CALD1: variants seen among roughly 807,000 people sequenced by gnomAD.
CALD1 encodes the protein caldesmon 1, also known as caldesmon.
Under a neutral mutation model 99.9 loss-of-function variants are expected in CALD1, and 33 were observed. The observed-to-expected ratio is 0.33, with a 90% confidence interval of 0.25 to 0.44. The LOEUF is 0.44. Ranked by LOEUF, CALD1 falls within the 20% of genes least tolerant of loss-of-function variation. The pLI is 1.00. For synonymous variants in CALD1, 310 were observed against 325.0 expected (o/e 0.95, Z 0.50); for missense variants, 861 against 962.1 (o/e 0.89, Z 1.39).
At chr7:134,962,687 A>G (rs1808369750) in intron 13 of CALD1, 3 of 374,782 alleles carry the variant, frequency 8.0e-6, no homozygotes, top group South Asian at 2.1e-5. Flanking sequence ...TGTAACTGCA[A>G]TTCAATTCTG....
chr7:134,836,726 G>A (rs554771706), intron 1 of CALD1, among the ~76,000 whole-genome samples: 16 of 152,132 alleles, frequency 1.1e-4, no homozygotes, highest in Non-Finnish European at 2.4e-4. Context: ...TCATAAGACC[G>A]CAAACGACTT....
At chr7:134,887,589 C>G (rs1207694382) in intron 3 of CALD1, among the ~76,000 whole-genome samples, 1 of 151,742 alleles carries the variant, frequency 6.6e-6, no homozygotes, top group African/African-American at 2.4e-5. Flanking sequence ...TATGTGTGTG[C>G]ATGTGTGCGT....
chr7:134,720,184 CTTTTTT>C, the CALD1 span, among the ~76,000 whole-genome samples: 2 of 139,924 alleles, frequency 1.4e-5, no homozygotes, highest in African/African-American at 2.5e-5. Context: ...TAGCCCTCCT[CTTTTTT>C]TTTTTTTTTT....
At chr7:134,711,690 GTGTGTGTGT>G in the CALD1 span, among the ~76,000 whole-genome samples, 1 of 80,200 alleles carries the variant, frequency 1.2e-5, no homozygotes, top group South Asian at 5.5e-4. Flanking sequence ...ATGTGTGTGT[GTGTGTGTGT>G]GTGTGTGTGT....
chr7:134,728,263 G>A, the CALD1 span, among the ~76,000 whole-genome samples: 1 of 152,130 alleles, frequency 6.6e-6, no homozygotes, highest in African/African-American at 2.4e-5. Flanking sequence ...ATTGAACAAT[G>A]AACGATTCAC....
At chr7:134,798,250 A>G (rs912580244) in intron 1 of CALD1, among the ~76,000 whole-genome samples, 4 of 152,160 alleles carry the variant, frequency 2.6e-5, no homozygotes. Context: ...TGGACTGACA[A>G]TCTCTTGAGG....
intron 1 of CALD1, among the ~76,000 whole-genome samples, chr7:134,833,722 CATAA>C (rs1256257059): frequency 6.6e-6 from 1 of 152,322 alleles, no homozygotes; most frequent in African/African-American, 2.4e-5. Flanking sequence ...GTGAATATGA[CATAA>C]ATAATTTAAT....
chr7:134,917,854 T>G (rs1422946745), intron 3 of CALD1, among the ~76,000 whole-genome samples: 3 of 152,352 alleles, frequency 2.0e-5, no homozygotes, highest in Non-Finnish European at 1.5e-5. Context: ...CCTGGCCACT[T>G]AAGCATTCAT....
At chr7:134,741,286 G>A (rs1796590036), upstream of CALD1, among the ~76,000 whole-genome samples, 2 of 152,210 alleles carry the variant, frequency 1.3e-5, no homozygotes, top group Non-Finnish European at 2.9e-5. Flanking sequence ...GCAGTAAGGA[G>A]AAGTGAAGAG....
rs146795210 is a variant in CALD1, at chr7:134,965,465, G to A, written c.2376+79G>A. 385 of 779,086 alleles carry A rather than the reference G, an allele frequency of 4.9e-4. 1 individual carries two copies. The African/African-American group carries it at 5.0e-3, about 10-fold the overall frequency. The allele number at this position is 779,086 out of a possible 1,614,324, so 48.3% of individuals were successfully genotyped here. On this transcript the variant is annotated intron_variant, in intron 14 of 14. Coordinates refer to ENST00000361675, the MANE Select transcript of CALD1 (RefSeq NM_033138.4). ...GTAGTATAATGTCCTGGAGTCAGAT[G>A]AGAAATATCACTGACCTACAGATCT...
rs1268932074 is a variant in CALD1 at position 134,783,534 on chromosome 7, C to T, written c.-130+3785C>T. On this transcript the variant is annotated intron_variant, in intron 1 of 14. Transcript: ENST00000361675. The surrounding 1 kb of genome is among the most constrained non-coding windows in gnomAD (Gnocchi z 4.3). The stretch of plus-strand genomic sequence containing the variant: ...TCACCCCAAACTCATAATTGGCAGG[C>T]TGTGGGTAAGGCTATGGGAGCGGGG... 6.6e-6 allele frequency among the ~76,000 whole-genome samples: 1 copy of T among 152,040 alleles called. No homozygotes were observed. The highest frequency in any genetic ancestry group is 1.5e-5 in the Non-Finnish European group (1 of 68,016).
At chr7:134,952,535 ATCTTGGC>A (rs1807435156) in intron 9 of CALD1, among the ~76,000 whole-genome samples, 1 of 149,134 alleles carries the variant, frequency 6.7e-6, no homozygotes, top group African/African-American at 2.5e-5. Context: ...CAGTGGCACC[ATCTTGGC>A]TCACTGCAAC....
At chr7:134,759,342 G>A (rs1035988674) in intron 1 of CALD1, among the ~76,000 whole-genome samples, 1 of 152,190 alleles carries the variant, frequency 6.6e-6, no homozygotes, top group Non-Finnish European at 1.5e-5. Context: ...AGGGGAGAAT[G>A]AGCACAATTA....
chr7:134,939,438 C>T (rs938553832), intron 6 of CALD1, among the ~76,000 whole-genome samples: 1 of 152,180 alleles, frequency 6.6e-6, no homozygotes, highest in Non-Finnish European at 1.5e-5. Context: ...AGTCAGGTTT[C>T]CTGATTTACA....
rs1011516430 is a variant in CALD1, at chr7:134,850,406, C to T, written c.-42+6435C>T. On this transcript the variant is annotated intron_variant, in intron 2 of 14. Coordinates refer to ENST00000361675, the MANE Select transcript of CALD1 (RefSeq NM_033138.4). ...GGGCTGAGTTGCCTGGATGTAGACC[C>T]CAGCTCTACCACTTACTAGCTATGT... Among the ~76,000 whole-genome samples the T allele has an allele frequency of 4.7e-4, 71 of 152,176 alleles. 2 individuals carry two copies. Among genetic ancestry groups the T allele is most frequent in the Non-Finnish European group, 7.3e-5 (5 of 68,030 alleles).
chr7:134,907,610 C>T (rs1336838422), intron 3 of CALD1, among the ~76,000 whole-genome samples: 5 of 152,096 alleles, frequency 3.3e-5, no homozygotes, highest in Admixed American at 6.5e-5. Context: ...CAAACATATT[C>T]TTCCTAAAAA....
At chr7:134,734,549 T>C in the CALD1 span, among the ~76,000 whole-genome samples, 1 of 152,208 alleles carries the variant, frequency 6.6e-6, no homozygotes, top group African/African-American at 2.4e-5. Context: ...CCAAATCTCA[T>C]CTTGAATTGT....
chr7:134,760,612 A>G (rs960445958), intron 1 of CALD1, among the ~76,000 whole-genome samples: 1 of 152,252 alleles, frequency 6.6e-6, no homozygotes, highest in Non-Finnish European at 1.5e-5. Context: ...CATAGAATTT[A>G]GAGAGAAAAA....
At chr7:134,947,896 T>C in intron 8 of CALD1, 127 bp downstream of exon 8, 1 of 1,128,430 alleles carries the variant, frequency 8.9e-7, no homozygotes, top group Non-Finnish European at 1.3e-6. Context: ...ATGTGCTAGG[T>C]ACTGTTTTAT....
Sources: gnomAD v4.1 joint callset for allele counts (sites outside exome capture counted in the v4.1 genomes callset) on GRCh38, gnomAD v4.1.1 for gene constraint, Gnocchi (gnomAD v3.1) non-coding constraint, MANE v1.5 for transcripts, NCBI Gene and HGNC (gene_info 2026-07-23, HGNC 2026-07-21) for gene names.